The following AP2A2 variants were observed in gnomAD, a reference collection of about 807,000 sequenced individuals.
AP2A2 encodes the protein adaptor related protein complex 2 subunit alpha 2.
In AP2A2, 32 loss-of-function variants were observed where a neutral mutation model predicts 104.2. The observed-to-expected ratio is 0.31, with a 90% confidence interval of 0.23 to 0.41. The LOEUF is 0.41. Ranked by LOEUF, AP2A2 falls within the 10% of genes least tolerant of loss-of-function variation. The pLI is 1.00. For synonymous variants in AP2A2, 539 were observed against 533.3 expected, an observed-to-expected ratio of 1.01 and a Z score of -0.15; for missense variants, 912 against 1,261.0, an observed-to-expected ratio of 0.72 and a Z score of 4.19.
At chr11:954,167 A>G (rs1395872868) in intron 1 of AP2A2, among the ~76,000 whole-genome samples, 1 of 152,052 alleles carries the variant, frequency 6.6e-6, no homozygotes, top group African/African-American at 2.4e-5. Context: ...GTGAGGTTGT[A>G]CGGCCGTTGG....
chr11:942,793 C>T (rs999603573), intron 1 of AP2A2, among the ~76,000 whole-genome samples: 3 of 152,102 alleles, frequency 2.0e-5, no homozygotes, highest in Non-Finnish European at 2.9e-5. Context: ...TCCCTTAGGT[C>T]GAGTGTTGCT....
rs905249531 is a variant in AP2A2, at chr11:953,954, C to A, written c.68-5483C>A. On this transcript the variant is annotated intron_variant, in intron 1 of 21. Transcript: ENST00000448903. Reference sequence around the variant, plus strand: ...GGTTCAAGCGATTCTTCTGCCTCAACTTCCTGAGTAGCTGGGATTGCAGGC... The same window carrying A: ...GGTTCAAGCGATTCTTCTGCCTCAAATTCCTGAGTAGCTGGGATTGCAGGC... 4.7e-4 allele frequency among the ~76,000 whole-genome samples: 71 copies of A among 152,028 alleles called. 2 individuals are homozygous for A. Among genetic ancestry groups the A allele is most frequent in the Non-Finnish European group, 4.9e-4 (33 of 68,014 alleles).
At position 985,426 on chromosome 11, in the gene AP2A2, G is replaced by T; in HGVS notation, c.815-9G>T. ...AGACTGGTGAGCACCGTTCTGTCTT[G>T]CCCAGAAGACCCTGCAGTGCGAGGC... On this transcript the variant is annotated splice_polypyrimidine_tract_variant and intron_variant, in intron 7 of 21. Transcript: ENST00000448903. The T allele has an allele frequency of 1.2e-6, 2 of 1,613,202 alleles. No homozygotes were observed. Among genetic ancestry groups the T allele is most frequent in the Non-Finnish European group, 8.5e-7 (1 of 1,179,538 alleles).
chr11:954,095 A>G (rs1854150202), intron 1 of AP2A2, among the ~76,000 whole-genome samples: 1 of 152,072 alleles, frequency 6.6e-6, no homozygotes, highest in South Asian at 2.1e-4. Context: ...TCAGCCTCCC[A>G]AAGTGCAGAC....
intron 6 of AP2A2, among the ~76,000 whole-genome samples, chr11:983,682 C>G (rs998630772): frequency 3.3e-5 from 5 of 152,234 alleles, no homozygotes; most frequent in Non-Finnish European, 7.3e-5. Flanking sequence ...CGCACCTGGC[C>G]TAGTCTCTTT....
At chr11:928,343 A>G (rs1853183728) in intron 1 of AP2A2, among the ~76,000 whole-genome samples, 1 of 152,200 alleles carries the variant, frequency 6.6e-6, no homozygotes, top group Non-Finnish European at 1.5e-5. Flanking sequence ...CCTAATCTGT[A>G]AGTTAGACTT....
At chr11:931,802 GTTT>G (rs138261185) in intron 1 of AP2A2, among the ~76,000 whole-genome samples, 4 of 125,126 alleles carry the variant, frequency 3.2e-5, no homozygotes, top group African/African-American at 6.0e-5. Context: ...TCCATTTCTT[GTTT>G]TTTTTTTTTT....
At chr11:926,581 C>G (rs977758789) in intron 1 of AP2A2, among the ~76,000 whole-genome samples, 2 of 152,168 alleles carry the variant, frequency 1.3e-5, no homozygotes, top group South Asian at 2.1e-4. Context: ...CCAGCGTTTT[C>G]CAAAACGGCG....
chr11:936,698 T>C (rs537292065), intron 1 of AP2A2, among the ~76,000 whole-genome samples: 22 of 152,206 alleles, frequency 1.4e-4, no homozygotes, highest in Non-Finnish European at 2.6e-4. Context: ...TGGTTTATTA[T>C]TAGATGCTTG....
At chr11:1,010,186 T>C (rs2133798724) in intron 21 of AP2A2, 1 of 477,216 alleles carries the variant, frequency 2.1e-6, no homozygotes, top group East Asian at 3.4e-5. Context: ...CGTTGTTCCT[T>C]CTCACCACGT....
intron 3 of AP2A2, among the ~76,000 whole-genome samples, chr11:970,836 G>A (rs1292793547): frequency 6.6e-6 from 1 of 152,228 alleles, no homozygotes; most frequent in Non-Finnish European, 1.5e-5. Context: ...GCACATGGCT[G>A]GGTCTTGGTG....
In AP2A2 at chr11:993,976, C is replaced by G. The variant is rs114803288; in HGVS notation, c.1773C>G (p.Thr591=). The change falls in exon 13 of 22, where the codon ACC becomes ACG. Residue 591 remains threonine (T), a synonymous_variant. Transcript: ENST00000448903. The surrounding 1 kb of genome is among the most constrained non-coding windows in gnomAD (Gnocchi z 8.2). The part of the protein sequence containing the change: ...EYLRLSTVAS[T]DILATVLEEM... The stretch of plus-strand genomic sequence containing the variant: ...TGCGGCTCAGCACCGTGGCCAGCAC[C>G]GACATTCTGGTAGGAGGCCCCCGCC... The G allele has an allele frequency of 1.9e-6, 3 of 1,610,774 alleles. No individual in the cohort carries two copies. The highest frequency in any genetic ancestry group is 2.5e-6 in the Non-Finnish European group (3 of 1,178,238).
rs1283120964 is a variant in AP2A2, at chr11:987,243, T to G, written c.1131+290T>G. 3.9e-5 allele frequency among the ~76,000 whole-genome samples: 6 copies of G among 152,226 alleles called. No homozygotes were observed. In the East Asian group the frequency reaches 1.2e-3, roughly 29 times the overall value. On this transcript the variant is annotated intron_variant, in intron 9 of 21. Coordinates refer to ENST00000448903, the MANE Select transcript of AP2A2 (RefSeq NM_012305.4). ...CCCCGTGTGCCATCCTGCGCGTGCA[T>G]AGTGCTGACAAGTAGAAATGGTTCT...
At chr11:939,346 G>A (rs1198901274) in intron 1 of AP2A2, among the ~76,000 whole-genome samples, 1 of 151,294 alleles carries the variant, frequency 6.6e-6, no homozygotes, top group Non-Finnish European at 1.5e-5. Flanking sequence ...TCATTTTATA[G>A]CTGTTTCTTC....
In AP2A2 at chr11:986,926, C is replaced by T. The variant is rs1437472534; in HGVS notation, c.1104C>T (p.His368=). 1.9e-6 allele frequency: 3 copies of T among 1,596,174 alleles called. No individual in the cohort carries two copies. The highest frequency in any genetic ancestry group is 3.5e-5 in the Admixed American group (2 of 57,238). ...TCTCCCATGAGGCTGTCAAGACGCA[C>T]ATCGAGACGGTCATCAACGCCCTGA... ...SEFSHEAVKT[H]IETVINALKT... is the part of the protein sequence containing the mutation. The change falls in exon 9 of 22, where the codon CAC becomes CAT. Residue 368 remains histidine, a synonymous_variant. Coordinates refer to ENST00000448903, the MANE Select transcript of AP2A2 (RefSeq NM_012305.4).
In AP2A2 at chr11:993,419, C is replaced by G. The variant is rs779817121; in HGVS notation, c.1550+38C>G. The G allele has an allele frequency of 6.6e-7, 1 of 1,510,796 alleles. No homozygotes were observed. The allele number at this position is 1,510,796 out of a possible 1,614,324, so 93.6% of individuals were successfully genotyped here. A position where few individuals can be genotyped will look rare whatever the true frequency, so the allele number is the denominator to read the frequency against. On this transcript the variant is annotated intron_variant, in intron 12 of 21. Transcript: ENST00000448903. This position sits in a 1 kb window ranked among gnomAD's most constrained non-coding sequence, Gnocchi z 8.2. ...TTGCGAGTCGGGGCTGTGTGCGCTC[C>G]GGCGGGCCTCTCGGTGGTCGGTGGC...
chr11:998,664 C>G (rs1432431688), intron 14 of AP2A2, among the ~76,000 whole-genome samples: 1 of 152,118 alleles, frequency 6.6e-6, no homozygotes, highest in East Asian at 1.9e-4. Context: ...CTCCACATCT[C>G]CAGAACGCTC....
intron 20 of AP2A2, 79 bp downstream of exon 20, chr11:1,009,476 G>C: frequency 6.9e-7 from 1 of 1,457,890 alleles, no homozygotes; most frequent in Non-Finnish European, 9.4e-7. Flanking sequence ...CGGCCCCGGG[G>C]AACACGCAGC....
intron 2 of AP2A2, 33 bp downstream of exon 2, chr11:959,538 C>T (rs1398693186): frequency 7.1e-7 from 1 of 1,413,820 alleles, no homozygotes; most frequent in Non-Finnish European, 9.8e-7. Context: ...ATGAAATGTC[C>T]TGTTGTAAAT....
Sources: gnomAD v4.1 joint callset for allele counts (sites outside exome capture counted in the v4.1 genomes callset) on GRCh38, gnomAD v4.1.1 for gene constraint, Gnocchi (gnomAD v3.1) non-coding constraint, MANE v1.5 for transcripts, NCBI Gene and HGNC (gene_info 2026-07-23, HGNC 2026-07-21) for gene names.